The following CFAP221 variants were observed in gnomAD, a reference collection of about 807,000 sequenced individuals.
CFAP221 encodes cilia- and flagella-associated protein 221.
A neutral mutation model predicts 113.1 loss-of-function variants in CFAP221; 97 were observed. The observed-to-expected ratio is 0.86, with a 90% confidence interval of 0.73 to 1.02. The LOEUF (loss-of-function observed/expected upper bound fraction) is 1.02, where lower values mean the gene tolerates loss of function less well. CFAP221 is among the 50% of genes least tolerant of loss of function. The pLI is 0.00. For missense variants in CFAP221, 1,025 were observed against 1,013.4 expected, an observed-to-expected ratio of 1.01 and a Z score of -0.16; for synonymous variants, 331 against 354.4, an observed-to-expected ratio of 0.93 and a Z score of 0.74.
At position 119,625,206 on chromosome 2, in the gene CFAP221, C is replaced by T. The variant is rs116623334; in HGVS notation, c.1411-377C>T. Reference sequence around the variant, plus strand: ...ACCCACAGTGCTATTGCTGCAGAATCACCCGTGCCATTTGTCCTTCAACTC... The same window carrying T: ...ACCCACAGTGCTATTGCTGCAGAATTACCCGTGCCATTTGTCCTTCAACTC... On this transcript the variant is annotated intron_variant, in intron 14 of 23. Transcript: ENST00000413369. Among the ~76,000 whole-genome samples the T allele has an allele frequency of 9.5e-3, 1,448 of 152,296 alleles. 24 individuals are homozygous for T. Among genetic ancestry groups the T allele is most frequent in the African/African-American group, 0.033 (1,375 of 41,562 alleles).
chr2:119,608,499 C>T lies in CFAP221; in HGVS notation c.1134-3C>T, dbSNP rs772116880. On this transcript the variant is annotated splice_polypyrimidine_tract_variant and splice_region_variant and intron_variant, in intron 11 of 23. Coordinates refer to ENST00000413369, the MANE Select transcript of CFAP221 (RefSeq NM_001271049.2). The stretch of plus-strand genomic sequence containing the variant: ...GGACACAGTTTTTTTTTTTTCTCCC[C>T]AGGCAGGTGCACCTTGGTAAAGATC... The T allele has an allele frequency of 6.3e-7, 1 of 1,593,838 alleles. No individual in the cohort carries two copies. The highest frequency in any genetic ancestry group is 1.1e-5 in the South Asian group (1 of 87,408).
At chr2:119,645,220 CTTTG>C (rs1687730000) in intron 21 of CFAP221, among the ~76,000 whole-genome samples, 2 of 149,818 alleles carry the variant, frequency 1.3e-5, no homozygotes, top group African/African-American at 2.5e-5. Flanking sequence ...TGCTTTCAGC[CTTTG>C]TTTTTTATTT....
rs141477875 is a variant in CFAP221 at position 119,604,958 on chromosome 2, G to A, written c.995G>A (p.Gly332Glu). 343 of 1,614,066 alleles carry A rather than the reference G, an allele frequency of 2.1e-4. 1 individual carries two copies. The Middle Eastern group carries it at 2.6e-3, about 12-fold the overall frequency. ...GCAACTGTTTTAAACCAAGAACCAG[G>A]AAAATTGAAGATTAAAGAATTAAGA... The part of the protein sequence containing the change: ...AVATVLNQEP[G>E]KLKIKELREV... The change falls in exon 10 of 24, where the codon GGA (glycine) becomes GAA (glutamate). Residue 332 changes from glycine (G) to glutamate (E), a missense_variant. By Grantham distance (98) the Gly-to-Glu change is moderately conservative. Transcript: ENST00000413369.
At chr2:119,605,023 C>T (rs1684638825) in intron 10 of CFAP221, 36 bp downstream of exon 10, 1 of 1,585,596 alleles carries the variant, frequency 6.3e-7, no homozygotes, top group African/African-American at 1.3e-5. Context: ...AGCCCCTGAG[C>T]AGAATATGAA....
chr2:119,656,631 AT>A lies in CFAP221; in HGVS notation c.*164del. The A allele has an allele frequency of 2.0e-6, 1 of 508,156 alleles. No individual in the cohort carries two copies. Among genetic ancestry groups the A allele is most frequent in the Non-Finnish European group, 3.5e-6 (1 of 284,408 alleles). The allele number at this position is 508,156 out of a possible 1,614,324, so 31.5% of individuals were successfully genotyped here. ...TTTAAGTGATAATTATAAATCTTAT[AT>A]TTAAAAATAAAATGGAGTTAGGATG... On this transcript the variant is annotated 3_prime_UTR_variant, in exon 24 of 24. Transcript: ENST00000413369.
At chr2:119,618,071 G>A (rs755010207) in intron 14 of CFAP221, among the ~76,000 whole-genome samples, 2 of 152,118 alleles carry the variant, frequency 1.3e-5, no homozygotes, top group Non-Finnish European at 2.9e-5. Context: ...CTCCAGTCAT[G>A]GCCTCAGGCA....
downstream of CFAP221, among the ~76,000 whole-genome samples, chr2:119,659,822 C>CCCT (rs537512456): frequency 2.0e-3 from 306 of 152,332 alleles, 1 homozygote; most frequent in Admixed American, 3.8e-3. Context: ...GCCCCTTGGC[C>CCCT]CCTGTACTGA....
intron 6 of CFAP221, among the ~76,000 whole-genome samples, chr2:119,568,908 G>C (rs1212360356): frequency 6.6e-6 from 1 of 152,032 alleles, no homozygotes; most frequent in Non-Finnish European, 1.5e-5. Flanking sequence ...AAATTCCCTT[G>C]GTCATTTTTG....
At chr2:119,598,854 C>CG (rs1684175457) in intron 7 of CFAP221, among the ~76,000 whole-genome samples, 1 of 152,170 alleles carries the variant, frequency 6.6e-6, no homozygotes, top group African/African-American at 2.4e-5. Context: ...ATAAATCAGC[C>CG]GGGTCAAGGC....
At chr2:119,558,166 C>G (rs935152020) in intron 3 of CFAP221, among the ~76,000 whole-genome samples, 37 of 152,130 alleles carry the variant, frequency 2.4e-4, no homozygotes, top group Admixed American at 2.4e-3. Context: ...TCACAGCCCT[C>G]CCCCAATGAG....
At chr2:119,562,958 C>T (rs1681362481) in intron 6 of CFAP221, among the ~76,000 whole-genome samples, 1 of 151,994 alleles carries the variant, frequency 6.6e-6, no homozygotes, top group South Asian at 2.1e-4. Flanking sequence ...TGAGACCAGC[C>T]TGAACAACAA....
intron 7 of CFAP221, among the ~76,000 whole-genome samples, chr2:119,588,390 C>T (rs1399143903): frequency 6.6e-6 from 1 of 152,152 alleles, no homozygotes; most frequent in Non-Finnish European, 1.5e-5. Context: ...GAGCTGACAT[C>T]AGTAGCCAGG....
chr2:119,549,936 G>A (rs751953240), intron 3 of CFAP221, among the ~76,000 whole-genome samples: 48 of 152,224 alleles, frequency 3.2e-4, no homozygotes, highest in Non-Finnish European at 6.6e-4. Context: ...GTTGACTAGG[G>A]TGGGCTCTGC....
intron 6 of CFAP221, 160 bp from the exon 7 acceptor site, chr2:119,586,958 TG>T: frequency 2.0e-6 from 1 of 498,362 alleles, no homozygotes. Context: ...AGTTAATACA[TG>T]GGAAATGCAT....
chr2:119,551,392 T>A (rs1183188380), intron 3 of CFAP221, among the ~76,000 whole-genome samples: 2 of 152,236 alleles, frequency 1.3e-5, no homozygotes, highest in Non-Finnish European at 2.9e-5. Context: ...TCTAAGAGTT[T>A]TATAGTTTTA....
At chr2:119,585,926 G>A (rs912627538) in intron 6 of CFAP221, among the ~76,000 whole-genome samples, 6 of 152,198 alleles carry the variant, frequency 3.9e-5, no homozygotes, top group Admixed American at 6.5e-5. Flanking sequence ...AGATGGGTTC[G>A]GATGGGTCCT....
intron 7 of CFAP221, among the ~76,000 whole-genome samples, chr2:119,597,987 G>A (rs1192501811): frequency 6.6e-6 from 1 of 152,128 alleles, no homozygotes; most frequent in African/African-American, 2.4e-5. Context: ...TTCTGATTTA[G>A]TTCTAGGAGG....
chr2:119,575,510 T>C (rs72963186), intron 6 of CFAP221, among the ~76,000 whole-genome samples: 29,253 of 152,182 alleles, frequency 0.19, 3,032 homozygotes, highest in African/African-American at 0.26. Flanking sequence ...TTATACTGTA[T>C]AATTTCACTC....
chr2:119,569,277 C>A (rs1361124547), intron 6 of CFAP221, among the ~76,000 whole-genome samples: 2 of 152,056 alleles, frequency 1.3e-5, no homozygotes, highest in Non-Finnish European at 2.9e-5. Flanking sequence ...CACCACCACA[C>A]CCAGCTAATT....
Sources: gnomAD v4.1 joint callset for allele counts (sites outside exome capture counted in the v4.1 genomes callset) on GRCh38, gnomAD v4.1.1 for gene constraint, MANE v1.5 for transcripts, NCBI Gene and HGNC (gene_info 2026-07-23, HGNC 2026-07-21) for gene names.